MYRIP: variants seen among roughly 807,000 people sequenced by gnomAD.
MYRIP encodes myosin VIIA and Rab interacting protein.
A neutral mutation model predicts 98.0 loss-of-function variants in MYRIP; 49 were observed. The ratio of observed to expected loss-of-function variants is 0.50; its 90% confidence interval spans 0.40 to 0.63. MYRIP has a LOEUF of 0.63. Ranked by LOEUF, MYRIP falls within the 30% of genes least tolerant of loss-of-function variation. The pLI is 0.00. For synonymous variants in MYRIP, 404 were observed against 409.5 expected, an observed-to-expected ratio of 0.99 and a Z score of 0.16; for missense variants, 1,004 against 1,058.2, an observed-to-expected ratio of 0.95 and a Z score of 0.71.
chr3:40,053,931 A>G (rs1471776956), intron 3 of MYRIP, among the ~76,000 whole-genome samples: 1 of 152,212 alleles, frequency 6.6e-6, no homozygotes, highest in Non-Finnish European at 1.5e-5. Context: ...AGACCTGAAC[A>G]GGGGAGTAAC....
intron 1 of MYRIP, among the ~76,000 whole-genome samples, chr3:39,874,771 A>G (rs565644506): frequency 1.3e-5 from 2 of 152,316 alleles, no homozygotes; most frequent in Admixed American, 6.5e-5. Flanking sequence ...TTTTGCATCA[A>G]TGTTCATTAA....
chr3:40,094,894 G>T (rs902926549), intron 3 of MYRIP, among the ~76,000 whole-genome samples: 48 of 152,246 alleles, frequency 3.2e-4, no homozygotes, highest in African/African-American at 1.1e-3. Flanking sequence ...TGATGGCTTT[G>T]CCAGAGCTCT....
chr3:40,239,691 TG>T (rs1331695568), intron 12 of MYRIP, among the ~76,000 whole-genome samples: 2 of 150,604 alleles, frequency 1.3e-5, no homozygotes, highest in East Asian at 3.9e-4. Flanking sequence ...TGTTTTTGGC[TG>T]CATAAATGTC....
chr3:40,151,608 C>T (rs535372255), intron 4 of MYRIP, among the ~76,000 whole-genome samples: 12 of 152,154 alleles, frequency 7.9e-5, no homozygotes, highest in African/African-American at 2.9e-4. Context: ...GTTCTTATGG[C>T]CCAGAAGGTG....
chr3:40,204,201 T>A (rs71331111), intron 10 of MYRIP, among the ~76,000 whole-genome samples: 3,647 of 29,602 alleles, frequency 0.12, 231 homozygotes, highest in Non-Finnish European at 0.13. Flanking sequence ...AATATTATAT[T>A]ATATATTTAT....
chr3:40,070,150 T>C (rs926177903), intron 3 of MYRIP, among the ~76,000 whole-genome samples: 2 of 152,172 alleles, frequency 1.3e-5, no homozygotes, highest in Non-Finnish European at 2.9e-5. Flanking sequence ...AACATAATAC[T>C]TGATCAATTA....
At chr3:40,182,547 G>T (rs1338134812) in intron 9 of MYRIP, among the ~76,000 whole-genome samples, 174 bp downstream of exon 9, 2 of 152,312 alleles carry the variant, frequency 1.3e-5, no homozygotes, top group East Asian at 3.9e-4. Context: ...ATATAATGTG[G>T]TCATGTTCTC....
At position 40,210,112 on chromosome 3, in the gene MYRIP, C is replaced by A; in HGVS notation, c.1905+19C>A. On this transcript the variant is annotated intron_variant, in intron 11 of 16. Coordinates refer to ENST00000302541, the MANE Select transcript of MYRIP (RefSeq NM_015460.4). ...GAAGAAGGTAAGGGCTGTGAAGCCA[C>A]CTGCAGACAGCTCAAGCTTCTGCAG... The A allele has an allele frequency of 1.2e-6, 2 of 1,611,070 alleles. No individual in the cohort carries two copies. Among genetic ancestry groups the A allele is most frequent in the South Asian group, 2.2e-5 (2 of 90,718 alleles).
intron 4 of MYRIP, among the ~76,000 whole-genome samples, chr3:40,159,410 C>T (rs886065930): frequency 1.2e-4 from 18 of 152,172 alleles, no homozygotes; most frequent in Admixed American, 2.0e-4. Flanking sequence ...GGACCTTTCT[C>T]TCTGGCTGCC....
intron 2 of MYRIP, among the ~76,000 whole-genome samples, chr3:39,922,539 T>G (rs975711200): frequency 6.6e-6 from 1 of 152,098 alleles, no homozygotes; most frequent in Non-Finnish European, 1.5e-5. Flanking sequence ...AGTAAAAATA[T>G]TCACCACTGC....
chr3:39,910,231 A>C (rs1324143893), intron 2 of MYRIP, among the ~76,000 whole-genome samples: 1 of 152,208 alleles, frequency 6.6e-6, no homozygotes, highest in Admixed American at 6.5e-5. Flanking sequence ...CCGAGGCTCT[A>C]AAACGGTGTT....
chr3:40,162,209 A>G (rs573725462), intron 4 of MYRIP, among the ~76,000 whole-genome samples: 2 of 152,062 alleles, frequency 1.3e-5, no homozygotes, highest in Admixed American at 6.6e-5. Context: ...ATATATTTAT[A>G]TAAGTATTTG....
At chr3:40,204,884 C>G (rs947851271) in intron 10 of MYRIP, among the ~76,000 whole-genome samples, 2 of 152,142 alleles carry the variant, frequency 1.3e-5, no homozygotes, top group African/African-American at 4.8e-5. Flanking sequence ...ACTTGGGAAC[C>G]TTGGTCTGTT....
At chr3:40,063,301 T>A (rs1305706918) in intron 3 of MYRIP, among the ~76,000 whole-genome samples, 1 of 152,204 alleles carries the variant, frequency 6.6e-6, no homozygotes, top group Admixed American at 6.5e-5. Context: ...TATTTGTTTA[T>A]GGATAGTAGG....
chr3:39,866,203 G>T (rs1257601631), intron 1 of MYRIP, among the ~76,000 whole-genome samples: 1 of 151,544 alleles, frequency 6.6e-6, no homozygotes, highest in Non-Finnish European at 1.5e-5. Context: ...TGAGGTTAAG[G>T]ATTTAAAAAA....
chr3:40,182,750 G>A (rs1056607140), intron 9 of MYRIP, among the ~76,000 whole-genome samples: 1 of 152,176 alleles, frequency 6.6e-6, no homozygotes, highest in Non-Finnish European at 1.5e-5. Flanking sequence ...ATGTGGGCCA[G>A]GAGCATTAAA....
chr3:40,143,898 G>A lies in MYRIP; in HGVS notation c.333-7150G>A, dbSNP rs563717051. Among the ~76,000 whole-genome samples, 293 of 152,284 alleles carry A rather than the reference G, an allele frequency of 1.9e-3. 3 individuals are homozygous for A. The highest frequency in any genetic ancestry group is 0.013 in the Admixed American group (193 of 15,298). ...TGCTGTAGTCTTCCACCTCCCTGCA[G>A]CCCCAGGCTGGTGCCCTGATTCTAC... On this transcript the variant is annotated intron_variant, in intron 3 of 16. Coordinates refer to ENST00000302541, the MANE Select transcript of MYRIP (RefSeq NM_015460.4).
intron 2 of MYRIP, among the ~76,000 whole-genome samples, chr3:39,971,140 A>G (rs1250140140): frequency 6.6e-6 from 1 of 152,104 alleles, no homozygotes; most frequent in Non-Finnish European, 1.5e-5. Flanking sequence ...AGGCAAATAA[A>G]GGCTAGTTAG....
chr3:39,894,599 A>G (rs1481112338), intron 1 of MYRIP, among the ~76,000 whole-genome samples: 4 of 152,154 alleles, frequency 2.6e-5, no homozygotes, highest in South Asian at 4.1e-4. Flanking sequence ...TTGGTAAACT[A>G]TATGCTGCAT....
Sources: gnomAD v4.1 joint callset for allele counts (sites outside exome capture counted in the v4.1 genomes callset) on GRCh38, gnomAD v4.1.1 for gene constraint, MANE v1.5 for transcripts, NCBI Gene and HGNC (gene_info 2026-07-23, HGNC 2026-07-21) for gene names.